RTN1: variants seen among roughly 807,000 people sequenced by gnomAD.
RTN1 encodes the protein reticulon 1.
A neutral mutation model predicts 65.5 loss-of-function variants in RTN1; 25 were observed. That is an observed-to-expected ratio of 0.38 (90% CI 0.28 to 0.53). The LOEUF (loss-of-function observed/expected upper bound fraction) is 0.53. RTN1 is among the 20% of genes least tolerant of loss of function. The pLI is 0.79. For missense variants in RTN1, 983 were observed against 1,025.4 expected, an observed-to-expected ratio of 0.96 and a Z score of 0.57; for synonymous variants, 471 against 447.6, an observed-to-expected ratio of 1.05 and a Z score of -0.66.
At chr14:59,822,460 A>T (rs974475681) in intron 1 of RTN1, among the ~76,000 whole-genome samples, 1 of 152,156 alleles carries the variant, frequency 6.6e-6, no homozygotes, top group Non-Finnish European at 1.5e-5. Context: ...CAAAGAACAA[A>T]CATGTAGTTT....
In RTN1 at chr14:59,637,841, C is replaced by A. The variant is rs144246909; in HGVS notation, c.1766-30349G>T. On this transcript the variant is annotated intron_variant, in intron 3 of 8. Coordinates refer to ENST00000267484, the MANE Select transcript of RTN1 (RefSeq NM_021136.3). ...ACCCTTTCCAGAGCATTTAATATGG[C>A]AGCTATAGACTTACAATTTTTTTTT... is the stretch of plus-strand genomic sequence containing the variant. Among the ~76,000 whole-genome samples the A allele has an allele frequency of 4.5e-4, 69 of 152,094 alleles. 1 individual carries two copies. The East Asian group carries it at 0.013, about 29-fold the overall frequency.
chr14:59,812,046 G>A (rs1886738663), intron 1 of RTN1, among the ~76,000 whole-genome samples: 2 of 152,138 alleles, frequency 1.3e-5, no homozygotes, highest in South Asian at 4.2e-4. Flanking sequence ...AGACTGAGGT[G>A]TGATAGCACC....
intron 3 of RTN1, among the ~76,000 whole-genome samples, chr14:59,708,728 T>A (rs1157885516): frequency 6.6e-6 from 1 of 152,192 alleles, no homozygotes; most frequent in East Asian, 1.9e-4. Flanking sequence ...TCTCACTGAA[T>A]CTGAGGGGTA....
intron 1 of RTN1, 37 bp from the exon 2 acceptor site, chr14:59,746,518 C>G: frequency 6.6e-7 from 1 of 1,524,522 alleles, no homozygotes; most frequent in Middle Eastern, 1.8e-4. Flanking sequence ...TGAGTGGGTG[C>G]TTGGCGTCAG....
chr14:59,866,724 C>T (rs1368323781), intron 1 of RTN1, among the ~76,000 whole-genome samples: 2 of 152,012 alleles, frequency 1.3e-5, no homozygotes, highest in Non-Finnish European at 2.9e-5. Context: ...GTGTAATGTT[C>T]CTTACCATTT....
intron 3 of RTN1, among the ~76,000 whole-genome samples, chr14:59,625,292 G>A (rs1882364669): frequency 6.6e-6 from 1 of 152,132 alleles, no homozygotes; most frequent in South Asian, 2.1e-4. Flanking sequence ...TGTAAATTTA[G>A]ATCAGTATTT....
chr14:59,673,148 A>T (rs1883546959), intron 3 of RTN1, among the ~76,000 whole-genome samples: 1 of 152,182 alleles, frequency 6.6e-6, no homozygotes, highest in Non-Finnish European at 1.5e-5. Flanking sequence ...ATGTTACAGG[A>T]TCCCTTTGGT....
At chr14:59,750,847 G>C (rs1408528005) in intron 1 of RTN1, among the ~76,000 whole-genome samples, 1 of 143,938 alleles carries the variant, frequency 6.9e-6, no homozygotes, top group Non-Finnish European at 1.5e-5. Context: ...CCAAGTAACC[G>C]GGACTACAGG....
chr14:59,641,653 G>A (rs549163571), intron 3 of RTN1, among the ~76,000 whole-genome samples: 1 of 152,208 alleles, frequency 6.6e-6, no homozygotes, highest in Non-Finnish European at 1.5e-5. Flanking sequence ...TTACAGGCAT[G>A]AGCCACCATG....
chr14:59,826,603 A>G (rs187835774), intron 1 of RTN1, among the ~76,000 whole-genome samples: 79 of 152,352 alleles, frequency 5.2e-4, no homozygotes, highest in African/African-American at 1.9e-3. Context: ...AAGATCGCAA[A>G]GATAATCTCA....
At chr14:59,676,128 C>T (rs1883621919) in intron 3 of RTN1, among the ~76,000 whole-genome samples, 1 of 152,048 alleles carries the variant, frequency 6.6e-6, no homozygotes, top group Admixed American at 6.6e-5. Flanking sequence ...GGCAGACAGT[C>T]CAGAAACATC....
At chr14:59,600,299 G>A (rs1269833974) in intron 8 of RTN1, among the ~76,000 whole-genome samples, 1 of 152,042 alleles carries the variant, frequency 6.6e-6, no homozygotes, top group African/African-American at 2.4e-5. Flanking sequence ...ATATAATATT[G>A]AGGGTTTCCT....
chr14:59,634,723 A>G (rs1010003282), intron 3 of RTN1, among the ~76,000 whole-genome samples: 4 of 152,202 alleles, frequency 2.6e-5, no homozygotes, highest in Non-Finnish European at 5.9e-5. Context: ...TAACAGACCT[A>G]TGAGCAGGAA....
intron 3 of RTN1, among the ~76,000 whole-genome samples, chr14:59,694,304 G>C (rs1234319653): frequency 6.6e-6 from 1 of 152,186 alleles, no homozygotes; most frequent in Non-Finnish European, 1.5e-5. Context: ...CCATCTGGAA[G>C]TAAGGAGAGT....
chr14:59,620,225 G>A (rs956717981), intron 3 of RTN1, among the ~76,000 whole-genome samples: 2 of 152,130 alleles, frequency 1.3e-5, no homozygotes, highest in African/African-American at 2.4e-5. Flanking sequence ...GAGGTGGAAC[G>A]GAAATAACCT....
chr14:59,690,308 G>C (rs1178406733), intron 3 of RTN1, among the ~76,000 whole-genome samples: 1 of 151,726 alleles, frequency 6.6e-6, no homozygotes, highest in East Asian at 1.9e-4. Flanking sequence ...CGGAGGTGGG[G>C]GGGGGTCATT....
chr14:59,684,482 A>T (rs892818391), intron 3 of RTN1, among the ~76,000 whole-genome samples: 4 of 152,104 alleles, frequency 2.6e-5, no homozygotes, highest in Non-Finnish European at 4.4e-5. Flanking sequence ...TAAAAATAAG[A>T]AGCATGTTTA....
In RTN1 at chr14:59,727,228, C is replaced by T. The variant is rs748635893; in HGVS notation, c.1456G>A (p.Asp486Asn). 183 of 1,558,970 alleles carry T rather than the reference C, an allele frequency of 1.2e-4. No homozygotes were observed. The highest frequency in any genetic ancestry group is 1.4e-4 in the Non-Finnish European group (164 of 1,152,680). Residue 486 changes from aspartate (D) to asparagine (N), a missense_variant, in exon 3 of 9, where the codon GAC (aspartate) becomes AAC (asparagine). Asp to Asn is a conservative substitution (Grantham distance 23, BLOSUM62 1). Transcript: ENST00000267484. This position sits in a 1 kb window ranked among gnomAD's most constrained non-coding sequence, Gnocchi z 4.2. ...ASEESPKREQ[D>N]SPPMKPSALD... ...GCGCTGGGCTTCATCGGGGGTGAGT[C>T]CTGCTCCCGCTTGGGGCTCTCCTCC... is the stretch of plus-strand genomic sequence containing the variant.
intron 1 of RTN1, among the ~76,000 whole-genome samples, chr14:59,786,085 A>C (rs571896187): frequency 6.6e-6 from 1 of 152,348 alleles, no homozygotes; most frequent in East Asian, 1.9e-4. Context: ...AGAAGAGCCC[A>C]ACAATAGCTC....
Sources: allele counts gnomAD v4.1 joint callset (sites outside exome capture counted in the v4.1 genomes callset), GRCh38; gene constraint gnomAD v4.1.1; non-coding constraint Gnocchi (gnomAD v3.1); transcripts MANE v1.5; gene names NCBI Gene and HGNC (gene_info 2026-07-23, HGNC 2026-07-21).